The following RANBP2 variants were observed in gnomAD, a reference collection of about 807,000 sequenced individuals.
The protein encoded by RANBP2 is E3 SUMO-protein ligase RanBP2.
In RANBP2, 57 loss-of-function variants were observed where a neutral mutation model predicts 303.6. The ratio of observed to expected loss-of-function variants is 0.19; its 90% confidence interval spans 0.15 to 0.23. RANBP2 has a LOEUF of 0.23. RANBP2 is among the 10% of genes least tolerant of loss of function. The pLI, the probability that RANBP2 is intolerant of heterozygous loss-of-function variation, is 1.00. For missense variants in RANBP2, 3,138 were observed against 3,780.8 expected (o/e 0.83, Z 4.46); for synonymous variants, 1,167 against 1,301.5 (o/e 0.90, Z 2.23).
chr2:109,370,092 CCTGA>C, the RANBP2 span, among the ~76,000 whole-genome samples: 1 of 152,186 alleles, frequency 6.6e-6, no homozygotes, highest in Non-Finnish European at 1.5e-5. Flanking sequence ...CCATGATGCA[CCTGA>C]CTGCCGAAGG....
chr2:108,738,296 T>G (rs1469853390), intron 6 of RANBP2, among the ~76,000 whole-genome samples: 1 of 146,972 alleles, frequency 6.8e-6, no homozygotes. Flanking sequence ...AGGATGGTCT[T>G]GATCTCCTGA....
chr2:109,541,579 T>C, the RANBP2 span, among the ~76,000 whole-genome samples: 5 of 152,170 alleles, frequency 3.3e-5, no homozygotes, highest in African/African-American at 9.7e-5. Flanking sequence ...TTTCCTGGGA[T>C]TTATAAACCC....
chr2:108,791,797 A>G, the RANBP2 span: 1 of 1,579,482 alleles, frequency 6.3e-7, no homozygotes, highest in Non-Finnish European at 8.6e-7. Flanking sequence ...AAAGAAATAG[A>G]AAAAGGTAAA....
the RANBP2 span, chr2:109,617,419 CA>C: frequency 1.2e-5 from 2 of 167,038 alleles, no homozygotes; most frequent in Admixed American, 6.5e-5. Context: ...ACATTTCATT[CA>C]TTTATATTAG....
At chr2:109,534,505 C>T in the RANBP2 span, among the ~76,000 whole-genome samples, 1 of 152,196 alleles carries the variant, frequency 6.6e-6, no homozygotes, top group Non-Finnish European at 1.5e-5. Context: ...AACGGCTGGA[C>T]ACCGTGGCTC....
At chr2:109,707,758 G>A in the RANBP2 span, among the ~76,000 whole-genome samples, 242 of 152,316 alleles carry the variant, frequency 1.6e-3, 1 homozygote, top group Admixed American at 4.2e-3. Context: ...TTCTTCTAAT[G>A]TTCAGAGCTC....
At chr2:109,107,744 T>C in the RANBP2 span, among the ~76,000 whole-genome samples, 12 of 152,186 alleles carry the variant, frequency 7.9e-5, no homozygotes, top group Non-Finnish European at 1.6e-4. Flanking sequence ...AGCAACTTTT[T>C]TTTTCTTTTT....
At chr2:109,641,133 A>ATTTGTTTGTTTG in the RANBP2 span, among the ~76,000 whole-genome samples, 1 of 151,052 alleles carries the variant, frequency 6.6e-6, no homozygotes, top group East Asian at 1.9e-4. Context: ...GGTTTTATTT[A>ATTTGTTTGTTTG]TTTGTTTGTT....
chr2:109,000,236 A>G, the RANBP2 span, among the ~76,000 whole-genome samples: 5 of 152,212 alleles, frequency 3.3e-5, no homozygotes, highest in Admixed American at 1.3e-4. Flanking sequence ...AAATGCAAAT[A>G]AAGTCCTAGG....
At chr2:109,690,931 T>C in the RANBP2 span, among the ~76,000 whole-genome samples, 2 of 152,154 alleles carry the variant, frequency 1.3e-5, no homozygotes, top group East Asian at 3.9e-4. Flanking sequence ...TAGTCCTGGC[T>C]TTGTTTTGTG....
the RANBP2 span, among the ~76,000 whole-genome samples, chr2:109,371,839 A>G: frequency 6.6e-6 from 1 of 152,040 alleles, no homozygotes; most frequent in African/African-American, 2.4e-5. Context: ...GCTTTGATTC[A>G]CCTCATGGGG....
chr2:108,983,869 G>A, the RANBP2 span, among the ~76,000 whole-genome samples: 3 of 152,238 alleles, frequency 2.0e-5, no homozygotes, highest in South Asian at 2.1e-4. Context: ...GAGCCACTGC[G>A]TCCCCACTCC....
the RANBP2 span, among the ~76,000 whole-genome samples, chr2:108,972,909 C>T: frequency 2.6e-5 from 4 of 152,340 alleles, no homozygotes; most frequent in South Asian, 8.3e-4. Context: ...ACGCCCAGAA[C>T]AAGGCAACCT....
the RANBP2 span, among the ~76,000 whole-genome samples, chr2:108,968,633 T>C: frequency 1.3e-5 from 2 of 152,220 alleles, no homozygotes; most frequent in Non-Finnish European, 2.9e-5. Flanking sequence ...TCTTCCTAGC[T>C]ACCAGGGAAG....
At chr2:109,220,733 T>G in the RANBP2 span, among the ~76,000 whole-genome samples, 8 of 127,248 alleles carry the variant, frequency 6.3e-5, no homozygotes, top group Non-Finnish European at 1.1e-4. Flanking sequence ...TTCCCACCTG[T>G]TAGAAGGGGC....
At chr2:109,555,119 T>C in the RANBP2 span, among the ~76,000 whole-genome samples, 2 of 152,212 alleles carry the variant, frequency 1.3e-5, no homozygotes, top group Non-Finnish European at 2.9e-5. Flanking sequence ...TTTGTTCTTG[T>C]CACCCTCTAG....
At chr2:108,751,828 G>C (rs776041586) in intron 11 of RANBP2, 43 bp from the exon 12 acceptor site, 1 of 1,611,876 alleles carries the variant, frequency 6.2e-7, no homozygotes, top group Non-Finnish European at 8.5e-7. Flanking sequence ...GCCCTGAACT[G>C]TGTATTTAGA....
chr2:109,286,054 C>A, the RANBP2 span, among the ~76,000 whole-genome samples: 2 of 152,298 alleles, frequency 1.3e-5, no homozygotes, highest in East Asian at 3.9e-4. Context: ...AATGGTGTTT[C>A]TGACATGGAG....
the RANBP2 span, among the ~76,000 whole-genome samples, chr2:108,941,158 A>G: frequency 6.6e-6 from 1 of 152,234 alleles, no homozygotes; most frequent in African/African-American, 2.4e-5. Context: ...CGTTGTGGGA[A>G]TTAGGACTTT....
Sources: gnomAD v4.1 joint callset for allele counts (sites outside exome capture counted in the v4.1 genomes callset) on GRCh38, gnomAD v4.1.1 for gene constraint, MANE v1.5 for transcripts, NCBI Gene and HGNC (gene_info 2026-07-23, HGNC 2026-07-21) for gene names.